ECE1: variants seen among roughly 807,000 people sequenced by gnomAD.
The protein encoded by ECE1 is endothelin converting enzyme 1.
A neutral mutation model predicts 98.6 loss-of-function variants in ECE1; 35 were observed. The ratio of observed to expected loss-of-function variants is 0.35; its 90% confidence interval spans 0.27 to 0.47. ECE1 has a LOEUF of 0.47. Ranked by LOEUF, ECE1 falls within the 20% of genes least tolerant of loss-of-function variation. ECE1 has a pLI of 1.00. For synonymous variants in ECE1, 394 were observed against 407.1 expected, an observed-to-expected ratio of 0.97 and a Z score of 0.39; for missense variants, 814 against 1,025.3, an observed-to-expected ratio of 0.79 and a Z score of 2.81.
intron 1 of ECE1, among the ~76,000 whole-genome samples, chr1:21,312,619 AAAT>A (rs1638753488): frequency 6.6e-6 from 1 of 151,966 alleles, no homozygotes; most frequent in Non-Finnish European, 1.5e-5. Flanking sequence ...CCTGTCTCTT[AAAT>A]AAATAAATAA....
rs376290560 is a variant in ECE1, at chr1:21,225,663, C to T, written c.1850-223G>A. On this transcript the variant is annotated intron_variant, in intron 16 of 18. Coordinates refer to ENST00000374893, the MANE Select transcript of ECE1 (RefSeq NM_001397.3). The surrounding 1 kb of genome is among the most constrained non-coding windows in gnomAD (Gnocchi z 5.3). Reference sequence around the variant, plus strand: ...AATCGGGAAAAGCTCCAGCGTGGCCCGAGGCTCAGTGGGGCTTGCTTTGTT... The same window carrying T: ...AATCGGGAAAAGCTCCAGCGTGGCCTGAGGCTCAGTGGGGCTTGCTTTGTT... 4.0e-5 allele frequency among the ~76,000 whole-genome samples: 6 copies of T among 150,344 alleles called. No individual in the cohort carries two copies. Among genetic ancestry groups the T allele is most frequent in the South Asian group, 2.1e-4 (1 of 4,742 alleles).
At position 21,260,534 on chromosome 1, in the gene ECE1, T is replaced by G; in HGVS notation, c.494-142A>C. ...TGCCTGTCGGAGTGGCAGTGAGGAA[T>G]GCCGTCACCGTGAGTATGTGAGGGC... is the stretch of plus-strand genomic sequence containing the variant. On this transcript the variant is annotated intron_variant, in intron 4 of 18. Coordinates refer to ENST00000374893, the MANE Select transcript of ECE1 (RefSeq NM_001397.3). The surrounding 1 kb of genome is among the most constrained non-coding windows in gnomAD (Gnocchi z 4.3). 17 of 1,137,858 alleles carry G rather than the reference T, an allele frequency of 1.5e-5. No homozygotes were observed. The South Asian group carries it at 2.1e-4, about 14-fold the overall frequency. 70.5% of individuals were successfully genotyped at this position (1,137,858 alleles called of 1,614,324 possible).
intron 16 of ECE1, among the ~76,000 whole-genome samples, chr1:21,226,318 A>C (rs546184602): frequency 6.6e-6 from 1 of 152,216 alleles, no homozygotes; most frequent in East Asian, 1.9e-4. Flanking sequence ...ACCTCACTAC[A>C]CACTTCACAC....
chr1:21,285,334 C>T (rs1481769476), intron 2 of ECE1, among the ~76,000 whole-genome samples: 1 of 152,222 alleles, frequency 6.6e-6, no homozygotes, highest in Non-Finnish European at 1.5e-5. Context: ...AAATATCCCA[C>T]TGTGTGTTGC....
intron 16 of ECE1, among the ~76,000 whole-genome samples, chr1:21,226,252 C>G (rs893313023): frequency 3.9e-5 from 6 of 152,228 alleles, no homozygotes; most frequent in Admixed American, 3.3e-4. Context: ...GGAATGTCCA[C>G]TCTCTGCTAA....
At chr1:21,314,872 C>T (rs553901226) in intron 1 of ECE1, among the ~76,000 whole-genome samples, 8 of 152,340 alleles carry the variant, frequency 5.3e-5, no homozygotes, top group East Asian at 3.8e-4. Context: ...TAGTCCAGGA[C>T]GCATAGAAAC....
At chr1:21,274,592 G>C (rs907089195) in intron 3 of ECE1, among the ~76,000 whole-genome samples, 2 of 152,222 alleles carry the variant, frequency 1.3e-5, no homozygotes, top group African/African-American at 4.8e-5. Flanking sequence ...AGTCTTTAGA[G>C]AGCAGCAAAG....
chr1:21,220,166 T>C lies in ECE1; in HGVS notation c.2137-35A>G. 1 of 1,587,318 alleles carries C rather than the reference T, an allele frequency of 6.3e-7. No homozygotes were observed. The highest frequency in any genetic ancestry group is 8.6e-7 in the Non-Finnish European group (1 of 1,163,762). ...GGCAACAGGGAGAGGCCAGGGTCAC[T>C]GTGGGGCCCTCGGGCTGCCAGACTG... On this transcript the variant is annotated intron_variant, in intron 18 of 18. Transcript: ENST00000374893. This position sits in a 1 kb window ranked among gnomAD's most constrained non-coding sequence, Gnocchi z 5.0.
intron 1 of ECE1, among the ~76,000 whole-genome samples, chr1:21,342,263 C>G (rs1639413182): frequency 6.6e-6 from 1 of 152,128 alleles, no homozygotes. Context: ...GTCTCCTTCC[C>G]CCAACTGTCT....
chr1:21,243,732 C>T (rs1374268058), intron 10 of ECE1, among the ~76,000 whole-genome samples: 1 of 152,246 alleles, frequency 6.6e-6, no homozygotes, highest in African/African-American at 2.4e-5. Context: ...CTGGCTTTGG[C>T]CCCATCTCTA....
At chr1:21,343,370 C>T (rs1040004747) in intron 1 of ECE1, among the ~76,000 whole-genome samples, 2 of 152,180 alleles carry the variant, frequency 1.3e-5, no homozygotes, top group African/African-American at 4.8e-5. Context: ...AACTTTCATT[C>T]GTCTTCCAGA....
intron 2 of ECE1, among the ~76,000 whole-genome samples, chr1:21,289,252 A>C (rs1235910892): frequency 6.6e-6 from 1 of 151,912 alleles, no homozygotes. Flanking sequence ...GAGCCAGATC[A>C]CTGGGTCTCC....
At chr1:21,289,993 C>CGGGGGGGGGGGGGGGGGGGGGG in intron 2 of ECE1, 77 bp downstream of exon 2, 4 of 897,824 alleles carry the variant, frequency 4.5e-6, no homozygotes, top group Admixed American at 9.8e-5. Context: ...TAGGTAGGGG[C>CGGGGGGGGGGGGGGGGGGGGGG]GGGGGGCGCG....
intron 17 of ECE1, among the ~76,000 whole-genome samples, chr1:21,224,720 G>A (rs1261268330): frequency 6.6e-6 from 1 of 152,174 alleles, no homozygotes; most frequent in African/African-American, 2.4e-5. Context: ...ATCTCTGAGT[G>A]TCTCTCTGGG....
intron 11 of ECE1, among the ~76,000 whole-genome samples, chr1:21,237,280 A>C (rs1194597542): frequency 6.6e-6 from 1 of 152,144 alleles, no homozygotes; most frequent in Non-Finnish European, 1.5e-5. Context: ...GCAGCTTCGG[A>C]AATACCATGC....
At chr1:21,230,529 A>G (rs2103224707) in intron 14 of ECE1, among the ~76,000 whole-genome samples, 1 of 152,148 alleles carries the variant, frequency 6.6e-6, no homozygotes, top group South Asian at 2.1e-4. Flanking sequence ...TGGGATTACA[A>G]GCACCCGCCA....
chr1:21,219,122 T>G lies in ECE1; in HGVS notation c.*833A>C, dbSNP rs775955731. 3.9e-5 allele frequency: 6 copies of G among 152,278 alleles called. No individual in the cohort carries two copies. The allele number at this position is 152,278 out of a possible 1,614,324, so 9.4% of individuals were successfully genotyped here. A position where few individuals can be genotyped will look rare whatever the true frequency, so the allele number is the denominator to read the frequency against. ...CAGGGTGCTTGGTGTTCCCAGATGGTGTTTGAGGGTCCTGACCCGACCTCA... is the reference window on the plus strand; with the variant it reads ...CAGGGTGCTTGGTGTTCCCAGATGGGGTTTGAGGGTCCTGACCCGACCTCA... On this transcript the variant is annotated 3_prime_UTR_variant, in exon 19 of 19. Transcript: ENST00000374893. This position sits in a 1 kb window ranked among gnomAD's most constrained non-coding sequence, Gnocchi z 4.5.
At chr1:21,339,506 C>T (rs1460285795) in intron 1 of ECE1, among the ~76,000 whole-genome samples, 3 of 152,308 alleles carry the variant, frequency 2.0e-5, no homozygotes, top group Non-Finnish European at 4.4e-5. Context: ...TCAGCTTTTA[C>T]AACTCTGAAA....
At chr1:21,279,057 A>AC (rs1277907141) in intron 3 of ECE1, 134 bp downstream of exon 3, 6 of 1,463,082 alleles carry the variant, frequency 4.1e-6, no homozygotes, top group Non-Finnish European at 4.7e-6. Context: ...CAGCACCCAG[A>AC]CCCCCCTGGG....
Sources: allele counts gnomAD v4.1 joint callset (sites outside exome capture counted in the v4.1 genomes callset), GRCh38; gene constraint gnomAD v4.1.1; non-coding constraint Gnocchi (gnomAD v3.1); transcripts MANE v1.5; gene names NCBI Gene and HGNC (gene_info 2026-07-23, HGNC 2026-07-21).